Variants in CMBL observed in about 807,000 individuals in gnomAD.
CMBL encodes carboxymethylenebutenolidase homolog.
CMBL carries 17 observed loss-of-function variants against 28.7 expected under a neutral mutation model. The observed-to-expected ratio is 0.59, with a 90% CI of 0.41 to 0.89. The LOEUF is 0.89. Among genes scored for constraint, CMBL ranks in the 40% least tolerant of loss-of-function variants. The pLI is 0.00. For missense variants in CMBL, 310 were observed against 298.5 expected (o/e 1.04, Z -0.28); for synonymous variants, 106 against 101.6 (o/e 1.04, Z -0.26).
At chr5:10,286,565 T>C in intron 3 of CMBL, 69 bp from the exon 4 acceptor site, 1 of 1,460,272 alleles carries the variant, frequency 6.8e-7, no homozygotes, top group South Asian at 1.3e-5. Flanking sequence ...GCTGTGCTGA[T>C]GATAACAGGG....
Position 10,280,195 on chromosome 5 carries a change from TC to T in CMBL, c.*257del. 1 of 280,332 alleles carries T rather than the reference TC, an allele frequency of 3.6e-6. No individual in the cohort carries two copies. Among genetic ancestry groups the T allele is most frequent in the Non-Finnish European group, 6.7e-6 (1 of 149,038 alleles). The allele number at this position is 280,332 out of a possible 1,614,324, so 17.4% of individuals were successfully genotyped here. A position where few individuals can be genotyped will look rare whatever the true frequency, so the allele number is the denominator to read the frequency against. ...CTCAGGTGATCCACCCACTTTGGCC[TC>T]CCAAAGTGCTGGAATTACAGGCATG... On this transcript the variant is annotated 3_prime_UTR_variant, in exon 6 of 6. Transcript: ENST00000296658.
chr5:10,282,316 T>C (rs769252287), intron 4 of CMBL, 28 bp from the exon 5 acceptor site: 1 of 1,327,680 alleles, frequency 7.5e-7, no homozygotes, highest in South Asian at 1.2e-5. Flanking sequence ...AGGCATGATG[T>C]CTGATCCCCA....
chr5:10,284,463 T>C (rs928252466), intron 4 of CMBL, among the ~76,000 whole-genome samples: 1 of 152,232 alleles, frequency 6.6e-6, no homozygotes, highest in Admixed American at 6.5e-5. Flanking sequence ...GGTTCCACTT[T>C]CATTTTTTGA....
chr5:10,297,195 A>G (rs935759444), intron 1 of CMBL, among the ~76,000 whole-genome samples: 10 of 135,402 alleles, frequency 7.4e-5, no homozygotes, highest in Non-Finnish European at 1.0e-4. Context: ...AAAAAAAAAA[A>G]AGAGAGAGAG....
chr5:10,302,546 G>A (rs566814736), intron 1 of CMBL, among the ~76,000 whole-genome samples: 15 of 151,630 alleles, frequency 9.9e-5, no homozygotes, highest in Middle Eastern at 3.4e-3. Context: ...CTACTTGGGC[G>A]GCTGAGGCAG....
intron 1 of CMBL, among the ~76,000 whole-genome samples, chr5:10,296,890 G>A (rs1221809603): frequency 6.6e-6 from 1 of 152,174 alleles, no homozygotes; most frequent in Non-Finnish European, 1.5e-5. Context: ...GGGCTTAAAA[G>A]AAACTGAGAG....
At chr5:10,299,295 G>A (rs1048558048) in intron 1 of CMBL, among the ~76,000 whole-genome samples, 2 of 152,070 alleles carry the variant, frequency 1.3e-5, no homozygotes, top group African/African-American at 4.8e-5. Context: ...CACCTGAATG[G>A]CCCATAAACA....
At chr5:10,286,308 C>T (rs772080555) in intron 4 of CMBL, 46 bp downstream of exon 4, 8 of 1,577,550 alleles carry the variant, frequency 5.1e-6, no homozygotes, top group Non-Finnish European at 6.9e-6. Context: ...GTCACTCTTC[C>T]ACCCCTCCCT....
In CMBL at chr5:10,288,591, G is replaced by A. The variant is rs1332984185; in HGVS notation, c.216-62C>T. On this transcript the variant is annotated intron_variant, in intron 2 of 5. Transcript: ENST00000296658. ...AGTTGCTTGACTCAGTATTTTGCTT[G>A]CATTTATTTAAAAACTTGCTACGTT... is the stretch of plus-strand genomic sequence containing the variant. 2.3e-6 allele frequency: 3 copies of A among 1,294,028 alleles called. No individual in the cohort carries two copies. The Admixed American group carries it at 5.1e-5, about 22-fold the overall frequency. The allele number at this position is 1,294,028 out of a possible 1,614,324, so 80.2% of individuals were successfully genotyped here.
intron 1 of CMBL, among the ~76,000 whole-genome samples, chr5:10,301,935 A>G (rs1273744046): frequency 6.6e-6 from 1 of 152,068 alleles, no homozygotes; most frequent in Non-Finnish European, 1.5e-5. Flanking sequence ...GAATGTTTTT[A>G]CTTTATTTTC....
At position 10,289,396 on chromosome 5, in the gene CMBL, G is replaced by C. The variant is rs1746663930; in HGVS notation, c.216-867C>G. 6.6e-6 allele frequency among the ~76,000 whole-genome samples: 1 copy of C among 152,188 alleles called. No homozygotes were observed. The highest frequency in any genetic ancestry group is 6.5e-5 in the Admixed American group (1 of 15,278). ...TGTGAAAGGGCTTTGTAAAACAGGG[G>C]TCTTTCCTTATCTTTTATGTCCTGA... On this transcript the variant is annotated intron_variant, in intron 2 of 5. Transcript: ENST00000296658. This position sits in a 1 kb window ranked among gnomAD's most constrained non-coding sequence, Gnocchi z 4.3.
At chr5:10,306,699 T>C (rs1747007085) in intron 1 of CMBL, among the ~76,000 whole-genome samples, 3 of 152,214 alleles carry the variant, frequency 2.0e-5, no homozygotes. Flanking sequence ...TAGATGATTC[T>C]ACAAACATCA....
intron 4 of CMBL, among the ~76,000 whole-genome samples, chr5:10,285,855 C>T (rs938702176): frequency 1.3e-5 from 2 of 151,290 alleles, no homozygotes; most frequent in Admixed American, 1.3e-4. Flanking sequence ...CACGTGACCA[C>T]GCCCAGCTAA....
intron 4 of CMBL, among the ~76,000 whole-genome samples, chr5:10,283,428 C>G (rs753543534): frequency 9.9e-5 from 15 of 152,054 alleles, no homozygotes; most frequent in Non-Finnish European, 1.8e-4. Context: ...CACCAGACCA[C>G]GAGTGTGGAA....
intron 1 of CMBL, among the ~76,000 whole-genome samples, chr5:10,292,502 A>G (rs890553722): frequency 6.6e-6 from 1 of 152,124 alleles, no homozygotes; most frequent in African/African-American, 2.4e-5. Context: ...GTGACCCATC[A>G]TGCCTGGTTC....
chr5:10,286,005 C>T (rs1579471381), intron 4 of CMBL: 1 of 179,436 alleles, frequency 5.6e-6, no homozygotes, highest in Admixed American at 6.3e-5. Flanking sequence ...AAAATATTTT[C>T]ATAGATGTTG....
intron 1 of CMBL, among the ~76,000 whole-genome samples, chr5:10,291,109 G>T (rs1746705976): frequency 6.6e-6 from 1 of 152,236 alleles, no homozygotes; most frequent in South Asian, 2.1e-4. Context: ...ACGGGGCCCA[G>T]TGATGCTGGG....
At chr5:10,286,276 G>A in intron 4 of CMBL, 78 bp downstream of exon 4, 2 of 1,425,688 alleles carry the variant, frequency 1.4e-6, no homozygotes, top group Non-Finnish European at 1.9e-6. Context: ...TGTTACACTG[G>A]ATGGGGAGGC....
chr5:10,284,210 C>A (rs1018905880), intron 4 of CMBL, among the ~76,000 whole-genome samples: 1 of 152,242 alleles, frequency 6.6e-6, no homozygotes, highest in East Asian at 1.9e-4. Context: ...CACTCCCGAC[C>A]GCCTTTTGCT....
Sources: allele counts gnomAD v4.1 joint callset (sites outside exome capture counted in the v4.1 genomes callset), GRCh38; gene constraint gnomAD v4.1.1; non-coding constraint Gnocchi (gnomAD v3.1); transcripts MANE v1.5; gene names NCBI Gene and HGNC (gene_info 2026-07-23, HGNC 2026-07-21).